USP49: variants seen among roughly 807,000 people sequenced by gnomAD.
USP49 encodes ubiquitin carboxyl-terminal hydrolase 49.
Under a neutral mutation model 58.6 loss-of-function variants are expected in USP49, and 24 were observed. That is an observed-to-expected ratio of 0.41 (90% confidence interval 0.30 to 0.58). The LOEUF is 0.58. Among genes scored for constraint, USP49 ranks in the 20% least tolerant of loss-of-function variants. The probability of loss-of-function intolerance (pLI) is 0.30; values close to 1 mark genes in which losing one functional copy is unlikely to be tolerated. For synonymous variants in USP49, 408 were observed against 365.1 expected, an observed-to-expected ratio of 1.12 and a Z score of -1.34; for missense variants, 703 against 866.1, an observed-to-expected ratio of 0.81 and a Z score of 2.36.
At chr6:41,845,859 G>C (rs1773913536) in intron 3 of USP49, among the ~76,000 whole-genome samples, 1 of 151,918 alleles carries the variant, frequency 6.6e-6, no homozygotes, top group African/African-American at 2.4e-5. Context: ...TTAACATGCA[G>C]GATTGTTTCT....
chr6:41,810,877 G>A (rs541939302), intron 3 of USP49, among the ~76,000 whole-genome samples: 2 of 152,176 alleles, frequency 1.3e-5, no homozygotes, highest in South Asian at 4.1e-4. Flanking sequence ...CTCTTTCAAG[G>A]TGAATTTCTT....
At chr6:41,856,300 G>A (rs12175469) in intron 3 of USP49, among the ~76,000 whole-genome samples, 28,221 of 151,432 alleles carry the variant, frequency 0.19, 3,166 homozygotes, top group East Asian at 0.29. Flanking sequence ...GCGTGAACTC[G>A]GGAGGCGGAG....
chr6:41,824,608 A>G (rs1773507655), intron 3 of USP49, among the ~76,000 whole-genome samples: 1 of 152,136 alleles, frequency 6.6e-6, no homozygotes, highest in African/African-American at 2.4e-5. Flanking sequence ...CGGGAGACTA[A>G]GGAAGGAGAA....
chr6:41,858,675 C>T (rs765841705), intron 3 of USP49, among the ~76,000 whole-genome samples: 7 of 151,924 alleles, frequency 4.6e-5, no homozygotes, highest in Non-Finnish European at 1.0e-4. Flanking sequence ...CTAGAATGCT[C>T]TTCCCTCAGA....
In USP49 at chr6:41,796,615, T is replaced by C. The variant is rs1772891596; in HGVS notation, c.1985A>G (p.Asn662Ser). Reference protein sequence around the residue: ...LFYTQRTVQGNARISETHLQA... With the variant: ...LFYTQRTVQGSARISETHLQA... The stretch of plus-strand genomic sequence containing the variant: ...GAGATGGGTTTCTGAGATTCTTGCA[T>C]TGCCCTGCACTGTTCTTTGAGTGTA... The change falls in exon 8 of 8, where the codon AAT becomes AGT. Residue 662 changes from asparagine to serine, a missense_variant. This residue lies in a region of USP49 where 158 missense variants were observed against 241.2 expected (regional missense o/e 0.66). Coordinates refer to ENST00000682992, the MANE Select transcript of USP49 (RefSeq NM_001286554.2). The C allele has an allele frequency of 2.8e-6, 2 of 717,392 alleles. No individual in the cohort carries two copies. Among genetic ancestry groups the C allele is most frequent in the African/African-American group, 3.5e-5 (2 of 57,270 alleles). The allele number at this position is 717,392 out of a possible 1,614,324, so 44.4% of individuals were successfully genotyped here.
intron 4 of USP49, 70 bp downstream of exon 4, chr6:41,805,558 G>A (rs1773097477): frequency 1.3e-6 from 2 of 1,496,980 alleles, no homozygotes; most frequent in African/African-American, 2.8e-5. Context: ...CCAATAACCC[G>A]GGGAAGGCAC....
intron 2 of USP49, among the ~76,000 whole-genome samples, chr6:41,883,623 A>AAAATAAATAAAT (rs113215092): frequency 2.0e-5 from 3 of 150,526 alleles, no homozygotes; most frequent in Non-Finnish European, 4.4e-5. Context: ...ACTCCATCTC[A>AAAATAAATAAAT]AAATAAATAA....
chr6:41,846,806 A>C (rs1379612436), intron 3 of USP49, among the ~76,000 whole-genome samples: 1 of 152,238 alleles, frequency 6.6e-6, no homozygotes, highest in Non-Finnish European at 1.5e-5. Flanking sequence ...GGACAGAAAC[A>C]AAAGAGTTGA....
intron 2 of USP49, among the ~76,000 whole-genome samples, chr6:41,879,450 A>C (rs544574571): frequency 6.6e-6 from 1 of 152,156 alleles, no homozygotes; most frequent in South Asian, 2.1e-4. Flanking sequence ...ATTAAGGGGA[A>C]GCCCAAATCA....
chr6:41,876,746 A>C (rs1774510855), intron 2 of USP49, among the ~76,000 whole-genome samples: 1 of 152,240 alleles, frequency 6.6e-6, no homozygotes, highest in Non-Finnish European at 1.5e-5. Flanking sequence ...ATGCCTTGGA[A>C]GATACAAGGC....
intron 3 of USP49, among the ~76,000 whole-genome samples, chr6:41,812,109 C>T (rs1005313409): frequency 4.0e-5 from 6 of 151,154 alleles, no homozygotes; most frequent in African/African-American, 1.2e-4. Context: ...GACGGAGTTT[C>T]GCTCTTGTTG....
At chr6:41,886,132 C>A (rs543225034) in intron 2 of USP49, among the ~76,000 whole-genome samples, 2 of 152,112 alleles carry the variant, frequency 1.3e-5, no homozygotes, top group Non-Finnish European at 2.9e-5. Context: ...TTAACCTGAC[C>A]TTTGACCTCT....
chr6:41,846,242 G>A (rs541425694), intron 3 of USP49, among the ~76,000 whole-genome samples: 6 of 152,062 alleles, frequency 3.9e-5, no homozygotes, highest in Non-Finnish European at 5.9e-5. Context: ...ACTTGAACCC[G>A]GGAGGTGGAG....
At chr6:41,853,845 C>A (rs1240815246) in intron 3 of USP49, among the ~76,000 whole-genome samples, 1 of 148,528 alleles carries the variant, frequency 6.7e-6, no homozygotes, top group Non-Finnish European at 1.5e-5. Flanking sequence ...AAAAAAAATA[C>A]AAAATTAGCC....
chr6:41,835,840 A>AAATCCT (rs1773716523), intron 3 of USP49, among the ~76,000 whole-genome samples: 1 of 152,112 alleles, frequency 6.6e-6, no homozygotes, highest in Non-Finnish European at 1.5e-5. Flanking sequence ...TTGGGAGGTC[A>AAATCCT]AGGTGGGAGG....
chr6:41,867,374 C>T (rs899889221), intron 3 of USP49, among the ~76,000 whole-genome samples: 2 of 152,136 alleles, frequency 1.3e-5, no homozygotes, highest in African/African-American at 4.8e-5. Flanking sequence ...CTGCACAGTT[C>T]AATCTTTCTG....
intron 2 of USP49, among the ~76,000 whole-genome samples, chr6:41,881,401 T>C (rs1774606705): frequency 6.6e-6 from 1 of 150,754 alleles, no homozygotes; most frequent in South Asian, 2.1e-4. Flanking sequence ...ATTCTTTTTA[T>C]GCTGTATATA....
chr6:41,890,854 C>T (rs996155544), intron 2 of USP49, among the ~76,000 whole-genome samples: 1 of 152,128 alleles, frequency 6.6e-6, no homozygotes, highest in African/African-American at 2.4e-5. Context: ...AATCTTTCAA[C>T]TATAAATGTG....
At chr6:41,800,915 C>G (rs1405688573) in intron 5 of USP49, among the ~76,000 whole-genome samples, 1 of 152,160 alleles carries the variant, frequency 6.6e-6, no homozygotes, top group Non-Finnish European at 1.5e-5. Flanking sequence ...GCTGGACATG[C>G]AAGGACAAAG....
Sources: gnomAD v4.1 joint callset for allele counts (sites outside exome capture counted in the v4.1 genomes callset) on GRCh38, gnomAD v4.1.1 for gene constraint, gnomAD v4.1.1 regional missense constraint, MANE v1.5 for transcripts, NCBI Gene and HGNC (gene_info 2026-07-23, HGNC 2026-07-21) for gene names.